NFATC2: variants seen among roughly 807,000 people sequenced by gnomAD.
The protein encoded by NFATC2 is nuclear factor of activated T-cells, cytoplasmic 2.
NFATC2 carries 22 observed loss-of-function variants against 87.3 expected under a neutral mutation model. The ratio of observed to expected loss-of-function variants is 0.25; its 90% CI spans 0.18 to 0.36. The LOEUF is 0.36. NFATC2 is among the 10% of genes least tolerant of loss of function. NFATC2 has a pLI of 1.00. For missense variants in NFATC2, 1,149 were observed against 1,259.1 expected, an observed-to-expected ratio of 0.91 and a Z score of 1.32; for synonymous variants, 565 against 542.2, an observed-to-expected ratio of 1.04 and a Z score of -0.58.
At chr20:51,546,817 G>A (rs2076893515), upstream of NFATC2, among the ~76,000 whole-genome samples, 2 of 152,220 alleles carry the variant, frequency 1.3e-5, no homozygotes, top group African/African-American at 4.8e-5. Context: ...GCTGCCCTAG[G>A]GAGGCGATGT....
rs374292601 is a variant in NFATC2, at chr20:51,560,473, C to T, written c.70+2087G>A. 1.9e-4 allele frequency among the ~76,000 whole-genome samples: 29 copies of T among 152,350 alleles called. No individual in the cohort carries two copies. In the East Asian group the frequency reaches 3.1e-3, roughly 16 times the overall value. ...TCAGTTTTTCACAGGGCCAATGCCG[C>T]TTTCTGTGCAGAAAGTTTGGAATTT... is the stretch of plus-strand genomic sequence containing the variant. On this transcript the variant is annotated intron_variant, in intron 1 of 10. Coordinates refer to the NFATC2 transcript ENST00000414705.
At chr20:51,397,617 C>G (rs1987368553) in intron 10 of NFATC2, among the ~76,000 whole-genome samples, 2 of 152,130 alleles carry the variant, frequency 1.3e-5, no homozygotes, top group South Asian at 2.1e-4. Flanking sequence ...TCCTGAGGGA[C>G]TCCCCAGGAG....
intron 3 of NFATC2, among the ~76,000 whole-genome samples, chr20:51,490,784 T>A (rs991021704): frequency 1.3e-5 from 2 of 152,102 alleles, no homozygotes; most frequent in South Asian, 2.1e-4. Flanking sequence ...AAAAAAAATT[T>A]AAAAATAAAA....
At chr20:51,490,687 G>T (rs2075867119) in intron 3 of NFATC2, among the ~76,000 whole-genome samples, 1 of 152,144 alleles carries the variant, frequency 6.6e-6, no homozygotes, top group African/African-American at 2.4e-5. Flanking sequence ...ACACACGGTG[G>T]CACATGCCTG....
rs2146663012 is a variant in NFATC2, at chr20:51,509,034, C to T, written c.1332+7750G>A. 1.3e-5 allele frequency among the ~76,000 whole-genome samples: 2 copies of T among 152,214 alleles called. 1 individual carries two copies. The highest frequency in any genetic ancestry group is 4.1e-4 in the South Asian group (2 of 4,824). ...CCCACGATCCGCCCCCCTATCCTTC[C>T]CCTTCCCCTGCCCTTCCCACACAGG... On this transcript the variant is annotated intron_variant, in intron 3 of 10. Transcript: ENST00000371564.
At chr20:51,422,043 C>G (rs1342145128) in intron 9 of NFATC2, among the ~76,000 whole-genome samples, 1 of 152,226 alleles carries the variant, frequency 6.6e-6, no homozygotes, top group Non-Finnish European at 1.5e-5. Flanking sequence ...AGAACCTCTA[C>G]TTTGCCCAGA....
chr20:51,530,909 C>G (rs991434452), intron 1 of NFATC2, among the ~76,000 whole-genome samples: 8 of 152,162 alleles, frequency 5.3e-5, no homozygotes, highest in Non-Finnish European at 1.0e-4. Context: ...GTCTGTCTAC[C>G]CTCTAGACTC....
intron 3 of NFATC2, among the ~76,000 whole-genome samples, chr20:51,491,143 G>C (rs907980757): frequency 6.6e-6 from 1 of 152,172 alleles, no homozygotes; most frequent in Admixed American, 6.5e-5. Context: ...TTCAGAGAGA[G>C]GACTAGAAAA....
chr20:51,403,688 TTGTCTCAC>T (rs1282312426), intron 9 of NFATC2, among the ~76,000 whole-genome samples: 1 of 152,158 alleles, frequency 6.6e-6, no homozygotes, highest in African/African-American at 2.4e-5. Context: ...GTCAGTCTCA[TTGTCTCAC>T]AGGAGAACAC....
At chr20:51,396,339 C>G (rs1209755230) in intron 10 of NFATC2, among the ~76,000 whole-genome samples, 1 of 151,954 alleles carries the variant, frequency 6.6e-6, no homozygotes, top group Non-Finnish European at 1.5e-5. Context: ...GATGGCTGCT[C>G]AGGATTACAT....
intron 10 of NFATC2, among the ~76,000 whole-genome samples, chr20:51,393,775 A>G (rs1986654430): frequency 6.6e-6 from 1 of 152,150 alleles, no homozygotes. Context: ...CTAGGAAGTG[A>G]GAGGAGGGGA....
chr20:51,495,456 A>G (rs2075973092), intron 3 of NFATC2, among the ~76,000 whole-genome samples: 1 of 152,218 alleles, frequency 6.6e-6, no homozygotes, highest in African/African-American at 2.4e-5. Context: ...CAGCTTCTCC[A>G]TAATTTAAAG....
chr20:51,393,682 A>G (rs927379697), intron 10 of NFATC2, among the ~76,000 whole-genome samples: 5 of 152,196 alleles, frequency 3.3e-5, no homozygotes, highest in Admixed American at 2.6e-4. Flanking sequence ...CGAAAGCCAA[A>G]TGCCCGGGGC....
intron 3 of NFATC2, among the ~76,000 whole-genome samples, chr20:51,495,941 G>A (rs569920536): frequency 2.7e-4 from 41 of 152,284 alleles, no homozygotes; most frequent in African/African-American, 9.6e-4. Flanking sequence ...CTTTACAGTC[G>A]GGAGCATCTT....
intron 8 of NFATC2, among the ~76,000 whole-genome samples, chr20:51,434,977 A>G (rs1213111474): frequency 6.6e-6 from 1 of 152,184 alleles, no homozygotes; most frequent in Non-Finnish European, 1.5e-5. Context: ...CACTGACATC[A>G]GCTTACTTTG....
At chr20:51,424,550 A>C (rs763900554) in intron 9 of NFATC2, among the ~76,000 whole-genome samples, 1 of 152,186 alleles carries the variant, frequency 6.6e-6, no homozygotes, top group African/African-American at 2.4e-5. Context: ...TGACTTGGCC[A>C]AAGTTACAAA....
upstream of NFATC2, among the ~76,000 whole-genome samples, chr20:51,545,505 T>C (rs1225331389): frequency 6.6e-6 from 1 of 152,242 alleles, no homozygotes; most frequent in Non-Finnish European, 1.5e-5. Context: ...CGCAGCTTTA[T>C]GTGCAATGGA....
At chr20:51,450,672 G>A (rs1045025566) in intron 6 of NFATC2, among the ~76,000 whole-genome samples, 1 of 152,218 alleles carries the variant, frequency 6.6e-6, no homozygotes, top group African/African-American at 2.4e-5. Flanking sequence ...CTGTGGACGA[G>A]TCCCCTGGAT....
intron 6 of NFATC2, among the ~76,000 whole-genome samples, chr20:51,451,420 T>A (rs1428112349): frequency 6.6e-6 from 1 of 152,248 alleles, no homozygotes; most frequent in Non-Finnish European, 1.5e-5. Flanking sequence ...TTTTTGGTTG[T>A]CACAACTTGG....
Sources: allele counts gnomAD v4.1 joint callset (sites outside exome capture counted in the v4.1 genomes callset), GRCh38; gene constraint gnomAD v4.1.1; transcripts MANE v1.5; gene names NCBI Gene and HGNC (gene_info 2026-07-23, HGNC 2026-07-21).